The following NHS variants were observed in gnomAD, a reference collection of about 807,000 sequenced individuals.
NHS encodes NHS actin remodeling regulator, also known as actin remodeling regulator NHS.
NHS carries 5 observed loss-of-function variants against 72.5 expected under a neutral mutation model. That is an observed-to-expected ratio of 0.07 (90% CI 0.04 to 0.14). NHS has a LOEUF of 0.14. Among genes scored for constraint, NHS ranks in the 10% least tolerant of loss-of-function variants. The pLI, the probability that NHS is intolerant of heterozygous loss-of-function variation, is 1.00. For missense variants in NHS, 1,072 were observed against 1,355.7 expected (o/e 0.79, Z 3.29); for synonymous variants, 464 against 547.7 (o/e 0.85, Z 2.13).
At chrX:17,433,710 CT>C (rs1214198290) in intron 1 of NHS, among the ~76,000 whole-genome samples, 1 of 111,936 alleles carries the variant, frequency 8.9e-6, no homozygotes, top group Non-Finnish European at 1.9e-5. Flanking sequence ...TTACTGAACT[CT>C]TTCACACATA....
chrX:17,505,766 G>T (rs1053412626), intron 1 of NHS, among the ~76,000 whole-genome samples: 2 of 110,444 alleles, frequency 1.8e-5, no homozygotes, highest in Non-Finnish European at 3.8e-5. Flanking sequence ...TTTCTAAATC[G>T]CACTGTCTCT....
intron 1 of NHS, among the ~76,000 whole-genome samples, chrX:17,649,432 T>C (rs1273695289): frequency 9.0e-6 from 1 of 111,148 alleles, no homozygotes; most frequent in Non-Finnish European, 1.9e-5. Context: ...AGGAATTCTA[T>C]GTAGTGAGGT....
At chrX:17,567,056 T>A (rs773990323) in intron 1 of NHS, among the ~76,000 whole-genome samples, 1 of 112,525 alleles carries the variant, frequency 8.9e-6, no homozygotes, top group African/African-American at 3.2e-5. Context: ...ATGAAGCTAA[T>A]AATAGTTCTC....
At chrX:17,603,674 T>C (rs914723641) in intron 1 of NHS, among the ~76,000 whole-genome samples, 2 of 112,354 alleles carry the variant, frequency 1.8e-5, no homozygotes, top group African/African-American at 3.2e-5. Context: ...TTATAAGTGC[T>C]AAAAGGTGTT....
rs748229144 is a variant in NHS, at chrX:17,586,323, A to C, written c.566-101419A>C. 5 of 111,688 alleles carry C rather than the reference A, an allele frequency of 4.5e-5. No individual in the cohort carries two copies. In the South Asian group the frequency reaches 1.9e-3, roughly 43 times the overall value. 9.2% of individuals were successfully genotyped at this position (111,688 alleles called of 1,213,427 possible). ...TGTGCCAACTGAGAATGGCTACAAGAACATCAGAAAACAAGCCACCGCCCT... is the reference window on the plus strand; with the variant it reads ...TGTGCCAACTGAGAATGGCTACAAGCACATCAGAAAACAAGCCACCGCCCT... On this transcript the variant is annotated intron_variant, in intron 1 of 8. Transcript: ENST00000676302.
At chrX:17,476,795 T>C (rs2064921078) in intron 1 of NHS, among the ~76,000 whole-genome samples, 1 of 112,000 alleles carries the variant, frequency 8.9e-6, no homozygotes, top group Non-Finnish European at 1.9e-5. Flanking sequence ...TTCTTGGCAT[T>C]TCTAGCCCAC....
chrX:17,712,907 A>G (rs189808352), intron 3 of NHS, among the ~76,000 whole-genome samples: 1 of 111,759 alleles, frequency 8.9e-6, no homozygotes, highest in East Asian at 2.8e-4. Flanking sequence ...AAGAAGCCTT[A>G]AAACAGAGAA....
At chrX:17,650,695 C>T (rs751185214) in intron 1 of NHS, among the ~76,000 whole-genome samples, 2 of 112,382 alleles carry the variant, frequency 1.8e-5, no homozygotes, top group South Asian at 7.4e-4. Flanking sequence ...ACCTCTTGAA[C>T]TGAATTAAAA....
chrX:17,683,607 G>A (rs900642651), intron 1 of NHS, among the ~76,000 whole-genome samples: 3 of 111,471 alleles, frequency 2.7e-5, no homozygotes, highest in Non-Finnish European at 5.6e-5. Context: ...TTTGAGTTGT[G>A]TGCGGGTACC....
At chrX:17,480,479 A>G (rs914743133) in intron 1 of NHS, among the ~76,000 whole-genome samples, 7 of 111,611 alleles carry the variant, frequency 6.3e-5, no homozygotes, top group South Asian at 3.8e-4. Context: ...ATAACGCCAC[A>G]TATCTACAAC....
At chrX:17,429,359 T>C (rs1335117684) in intron 1 of NHS, among the ~76,000 whole-genome samples, 1 of 111,417 alleles carries the variant, frequency 9.0e-6, no homozygotes, top group African/African-American at 3.3e-5. Flanking sequence ...CACGGCGTCA[T>C]CAAGTATTCC....
At chrX:17,556,973 G>GAT (rs60343051) in intron 1 of NHS, among the ~76,000 whole-genome samples, 14,272 of 106,052 alleles carry the variant, frequency 0.13, 2,293 homozygotes, top group African/African-American at 0.44. Flanking sequence ...TTAAAACATG[G>GAT]ATATATATAT....
At chrX:17,686,957 G>C (rs924374433) in intron 1 of NHS, 2 of 111,938 alleles carry the variant, frequency 1.8e-5, no homozygotes, top group Non-Finnish European at 3.8e-5. Flanking sequence ...CTCATGGAGA[G>C]TTCCATCCTA....
intron 1 of NHS, among the ~76,000 whole-genome samples, chrX:17,434,050 C>T (rs1362727809): frequency 8.9e-6 from 1 of 111,847 alleles, no homozygotes; most frequent in African/African-American, 3.3e-5. Flanking sequence ...CCTTGGAGTC[C>T]TCCACTGGAT....
intron 1 of NHS, among the ~76,000 whole-genome samples, chrX:17,386,524 T>C (rs1942103245): frequency 9.1e-6 from 1 of 109,473 alleles, no homozygotes; most frequent in African/African-American, 3.3e-5. Context: ...TAGCTGGGCG[T>C]GGTGGCATGC....
chrX:17,712,391 C>CATATAT (rs1375636575), intron 3 of NHS, among the ~76,000 whole-genome samples: 140 of 89,372 alleles, frequency 1.6e-3, no homozygotes, highest in African/African-American at 6.3e-3. Context: ...CACACACACA[C>CATATAT]ACATATATAT....
intron 1 of NHS, among the ~76,000 whole-genome samples, chrX:17,614,685 G>GA (rs1181773875): frequency 4.5e-5 from 5 of 111,208 alleles, no homozygotes; most frequent in African/African-American, 6.6e-5. Context: ...CCTCACGTTT[G>GA]AAAATTAACT....
At chrX:17,402,196 G>A (rs1601689861) in intron 1 of NHS, among the ~76,000 whole-genome samples, 1 of 111,892 alleles carries the variant, frequency 8.9e-6, no homozygotes, top group East Asian at 2.8e-4. Flanking sequence ...GTAAGTGTTG[G>A]TGAGAATCTG....
In NHS at chrX:17,711,852, T is replaced by G. The variant is rs986925443; in HGVS notation, c.853-7492T>G. On this transcript the variant is annotated intron_variant, in intron 3 of 8. Coordinates refer to ENST00000676302, the MANE Select transcript of NHS (RefSeq NM_001291867.2). ...CACAATCTGTTTATCCATTCTGCTG[T>G]TGGGAGATAGTCAGGTTGTTTCTAG... 4.4e-4 allele frequency among the ~76,000 whole-genome samples: 49 copies of G among 112,078 alleles called. 1 individual carries two copies. Among genetic ancestry groups the G allele is most frequent in the Admixed American group, 9.5e-5 (1 of 10,552 alleles).
Sources: allele counts gnomAD v4.1 joint callset (sites outside exome capture counted in the v4.1 genomes callset), GRCh38; gene constraint gnomAD v4.1.1; transcripts MANE v1.5; gene names NCBI Gene and HGNC (gene_info 2026-07-23, HGNC 2026-07-21).